Variants in KCNB2 observed in about 807,000 individuals in gnomAD.
The protein encoded by KCNB2 is delayed rectifier potassium channel protein.
KCNB2 carries 15 observed loss-of-function variants against 61.5 expected under a neutral mutation model. The observed-to-expected ratio is 0.24, with a 90% CI of 0.16 to 0.38. KCNB2 has a LOEUF of 0.38. KCNB2 is among the 10% of genes least tolerant of loss of function. The probability of loss-of-function intolerance (pLI) is 1.00; values close to 1 mark genes in which losing one functional copy is unlikely to be tolerated. For synonymous variants in KCNB2, 457 were observed against 446.0 expected, an observed-to-expected ratio of 1.02 and a Z score of -0.31; for missense variants, 828 against 1,125.2, an observed-to-expected ratio of 0.74 and a Z score of 3.78.
chr8:72,869,905 G>T (rs1805590549), intron 2 of KCNB2, among the ~76,000 whole-genome samples: 1 of 152,168 alleles, frequency 6.6e-6, no homozygotes, highest in South Asian at 2.1e-4. Flanking sequence ...ATTCACTGCG[G>T]TATTATTCAC....
chr8:72,553,703 G>A (rs1032598466), intron 1 of KCNB2, among the ~76,000 whole-genome samples: 1 of 152,010 alleles, frequency 6.6e-6, no homozygotes, highest in East Asian at 1.9e-4. Flanking sequence ...CTTGGCTTCT[G>A]GTTTCATTCC....
At chr8:72,917,876 C>A (rs2981085) in intron 2 of KCNB2, among the ~76,000 whole-genome samples, 97,436 of 151,906 alleles carry the variant, frequency 0.64, 32,503 homozygotes, top group Middle Eastern at 0.72. Context: ...GTTGGTAGAA[C>A]AGGAGGTGAA....
At chr8:72,663,862 A>G (rs1440364) in intron 2 of KCNB2, among the ~76,000 whole-genome samples, 18,599 of 152,224 alleles carry the variant, frequency 0.12, 1,637 homozygotes, top group East Asian at 0.51. Context: ...TAAACATTTT[A>G]AAGTATTACT....
At chr8:72,541,657 C>T (rs1423806635) in intron 1 of KCNB2, among the ~76,000 whole-genome samples, 1 of 151,992 alleles carries the variant, frequency 6.6e-6, no homozygotes, top group African/African-American at 2.4e-5. Flanking sequence ...TAAGAGAAAA[C>T]CCCCATATTT....
intron 2 of KCNB2, among the ~76,000 whole-genome samples, chr8:72,928,005 T>C (rs1482026): frequency 0.48 from 72,350 of 151,850 alleles, 17,916 homozygotes; most frequent in East Asian, 0.89. Flanking sequence ...AAATAAAACA[T>C]TTTTCCAACA....
At chr8:72,781,704 G>C (rs1808758040) in intron 2 of KCNB2, among the ~76,000 whole-genome samples, 1 of 152,026 alleles carries the variant, frequency 6.6e-6, no homozygotes. Context: ...ACTCTTATTT[G>C]GTTCCATATG....
At chr8:72,801,601 T>C (rs1343113238) in intron 2 of KCNB2, among the ~76,000 whole-genome samples, 1 of 152,192 alleles carries the variant, frequency 6.6e-6, no homozygotes, top group Non-Finnish European at 1.5e-5. Flanking sequence ...GAATGACATG[T>C]TCCATTCCTC....
intron 2 of KCNB2, among the ~76,000 whole-genome samples, chr8:72,636,839 A>G (rs902200110): frequency 1.3e-5 from 2 of 152,164 alleles, no homozygotes; most frequent in African/African-American, 4.8e-5. Context: ...AAATGAGAAG[A>G]AAAACAAACA....
intron 2 of KCNB2, among the ~76,000 whole-genome samples, chr8:72,618,184 T>A (rs1805651569): frequency 6.8e-6 from 1 of 147,696 alleles, no homozygotes; most frequent in Non-Finnish European, 1.5e-5. Flanking sequence ...ACATGTGTGT[T>A]AAAAAAAAAA....
Position 72,825,014 on chromosome 8 carries a change from C to G in KCNB2, c.580-110921C>G, listed in dbSNP as rs559078509. ...CCACCTCCAGAATTTTTTTATCTTCCCAAACTGAAAGTCTGAACCCACTAA... is the reference window on the plus strand; with the variant it reads ...CCACCTCCAGAATTTTTTTATCTTCGCAAACTGAAAGTCTGAACCCACTAA... On this transcript the variant is annotated intron_variant, in intron 2 of 2. Coordinates refer to ENST00000523207, the MANE Select transcript of KCNB2 (RefSeq NM_004770.3). 8.7e-4 allele frequency among the ~76,000 whole-genome samples: 132 copies of G among 152,240 alleles called. 1 individual carries two copies. Among genetic ancestry groups the G allele is most frequent in the African/African-American group, 3.1e-3 (127 of 41,532 alleles).
intron 2 of KCNB2, among the ~76,000 whole-genome samples, chr8:72,823,085 C>T (rs1424325568): frequency 6.6e-6 from 1 of 152,128 alleles, no homozygotes; most frequent in Non-Finnish European, 1.5e-5. Flanking sequence ...AATTAATGAG[C>T]ACTCCCTCAT....
intron 2 of KCNB2, among the ~76,000 whole-genome samples, chr8:72,706,756 A>G (rs1807232315): frequency 6.6e-6 from 1 of 152,240 alleles, no homozygotes; most frequent in African/African-American, 2.4e-5. Context: ...AGGGATGGGC[A>G]AAGTTGCCAC....
intron 2 of KCNB2, among the ~76,000 whole-genome samples, chr8:72,698,720 G>A (rs1447848396): frequency 6.6e-6 from 1 of 151,984 alleles, no homozygotes; most frequent in Non-Finnish European, 1.5e-5. Context: ...CACACCTACA[G>A]CCATCTGATC....
At chr8:72,614,878 G>A (rs1805594406) in intron 2 of KCNB2, among the ~76,000 whole-genome samples, 1 of 152,200 alleles carries the variant, frequency 6.6e-6, no homozygotes, top group Admixed American at 6.5e-5. Context: ...AATGGCCCAT[G>A]TGAGCTAGGT....
intron 2 of KCNB2, among the ~76,000 whole-genome samples, chr8:72,787,147 CATGAAAACACTGAG>C (rs1808856305): frequency 6.6e-6 from 1 of 152,106 alleles, no homozygotes; most frequent in African/African-American, 2.4e-5. Context: ...GGAAACACTC[CATGAAAACACTGAG>C]ATGAAAACCT....
chr8:72,814,933 A>G (rs1461188976), intron 2 of KCNB2, among the ~76,000 whole-genome samples: 1 of 152,212 alleles, frequency 6.6e-6, no homozygotes, highest in African/African-American at 2.4e-5. Flanking sequence ...AAAGAAGTCA[A>G]TCAGAAGGTC....
At chr8:72,757,011 T>G (rs1808300951) in intron 2 of KCNB2, among the ~76,000 whole-genome samples, 1 of 152,152 alleles carries the variant, frequency 6.6e-6, no homozygotes, top group South Asian at 2.1e-4. Flanking sequence ...GAAATATAAT[T>G]TGGAAATCAT....
At chr8:72,849,017 A>C (rs1311879770) in intron 2 of KCNB2, among the ~76,000 whole-genome samples, 1 of 150,236 alleles carries the variant, frequency 6.7e-6, no homozygotes, top group Non-Finnish European at 1.5e-5. Flanking sequence ...CTTTAACATT[A>C]TATAATGTAT....
intron 2 of KCNB2, among the ~76,000 whole-genome samples, chr8:72,758,708 T>C (rs1808332398): frequency 6.6e-6 from 1 of 152,196 alleles, no homozygotes; most frequent in Admixed American, 6.5e-5. Flanking sequence ...GATAGCGAGG[T>C]AGCTGAAGTT....
Sources: gnomAD v4.1 joint callset for allele counts (sites outside exome capture counted in the v4.1 genomes callset) on GRCh38, gnomAD v4.1.1 for gene constraint, MANE v1.5 for transcripts, NCBI Gene and HGNC (gene_info 2026-07-23, HGNC 2026-07-21) for gene names.